PIMREG: variants seen among roughly 807,000 people sequenced by gnomAD.
PIMREG encodes the protein protein PIMREG.
PIMREG carries 19 observed loss-of-function variants against 24.3 expected under a neutral mutation model. That is an observed-to-expected ratio of 0.78 (90% CI 0.54 to 1.15). PIMREG has a LOEUF of 1.15. PIMREG is among the 50% of genes most tolerant of loss of function. The pLI is 0.00. For missense variants in PIMREG, 283 were observed against 306.8 expected (o/e 0.92, Z 0.58); for synonymous variants, 112 against 124.1 (o/e 0.90, Z 0.65).
rs552031712 is a variant in PIMREG, at chr17:6,445,192, G to A, written c.82G>A (p.Glu28Lys). 1.7e-5 allele frequency: 28 copies of A among 1,613,798 alleles called. No individual in the cohort carries two copies. The East Asian group carries it at 2.9e-4, about 17-fold the overall frequency. ...QHQEQLEDSK[E>K]LQPVVSHQET... is the part of the protein sequence containing the mutation. Reference sequence around the variant, plus strand: ...CCAGGAGCAGCTGGAGGACAGCAAGGAGCTGCAGCCTGTGGTCAGCCATCA... The same window carrying A: ...CCAGGAGCAGCTGGAGGACAGCAAGAAGCTGCAGCCTGTGGTCAGCCATCA... Residue 28 changes from glutamate (E) to lysine (K), a missense_variant, in exon 2 of 6, where the codon GAG becomes AAG. Glu to Lys is a moderately conservative substitution (Grantham distance 56). Coordinates refer to ENST00000572447, the MANE Select transcript of PIMREG (RefSeq NM_019013.3).
At chr17:6,449,936 AT>A (rs1046568281) in intron 4 of PIMREG, 91 bp from the exon 5 acceptor site, 5 of 1,488,610 alleles carry the variant, frequency 3.4e-6, no homozygotes, top group Non-Finnish European at 4.7e-6. Context: ...TTCCTACCAC[AT>A]TTCCGGGTCT....
Position 6,450,047 on chromosome 17 carries a change from A to T in PIMREG, c.706A>T (p.Ile236Phe). The T allele has an allele frequency of 6.2e-7, 1 of 1,614,162 alleles. No individual in the cohort carries two copies. Among genetic ancestry groups the T allele is most frequent in the Non-Finnish European group, 8.5e-7 (1 of 1,180,024 alleles). ...AEESGDIVSL[I>F]HD ...CTCTAGTGGTGACATCGTCTCTCTCATTCATGACTGAGGAAGTGCCTGCAG... is the reference window on the plus strand; with the variant it reads ...CTCTAGTGGTGACATCGTCTCTCTCTTTCATGACTGAGGAAGTGCCTGCAG... The change falls in exon 5 of 6, where the codon ATT becomes TTT. Residue 236 changes from isoleucine (I) to phenylalanine (F), a missense_variant. Ile to Phe is a conservative substitution (Grantham distance 21, BLOSUM62 0). Transcript: ENST00000572447.
rs1490822897 is a variant in PIMREG, at chr17:6,450,517, A to T, written c.*170A>T. The T allele has an allele frequency of 4.4e-6, 4 of 906,164 alleles. No homozygotes were observed. Among genetic ancestry groups the T allele is most frequent in the Non-Finnish European group, 6.6e-6 (4 of 609,092 alleles). The allele number at this position is 906,164 out of a possible 1,614,324, so 56.1% of individuals were successfully genotyped here. ...GCCCAGAGCCCCCTGCTCCAGCCACATCTGGACCCATCAGTGACTGCCTGC... is the reference window on the plus strand; with the variant it reads ...GCCCAGAGCCCCCTGCTCCAGCCACTTCTGGACCCATCAGTGACTGCCTGC... On this transcript the variant is annotated 3_prime_UTR_variant, in exon 6 of 6. Transcript: ENST00000572447.
intron 4 of PIMREG, 136 bp from the exon 5 acceptor site, chr17:6,449,892 G>A: frequency 7.1e-7 from 1 of 1,404,264 alleles, no homozygotes; most frequent in Non-Finnish European, 9.9e-7. Context: ...CTCTAAGGCT[G>A]GGCCCTGCCA....
rs1199057012 is a variant in PIMREG, at chr17:6,445,062, G to A, written c.-35-14G>A. On this transcript the variant is annotated splice_polypyrimidine_tract_variant and intron_variant, in intron 1 of 5. Transcript: ENST00000572447. Reference sequence around the variant, plus strand: ...GGAATGCCTTGCTGATCTGCCTTTCGCCCTCCTCCCCAGGGTCTAGTGGAC... The same window carrying A: ...GGAATGCCTTGCTGATCTGCCTTTCACCCTCCTCCCCAGGGTCTAGTGGAC... 2 of 1,503,522 alleles carry A rather than the reference G, an allele frequency of 1.3e-6. No individual in the cohort carries two copies. Among genetic ancestry groups the A allele is most frequent in the Non-Finnish European group, 1.8e-6 (2 of 1,125,508 alleles). 93.1% of individuals were successfully genotyped at this position (1,503,522 alleles called of 1,614,324 possible).
rs1913622956 is a variant in PIMREG, at chr17:6,447,449, T to C, written c.295-14T>C. ...GGTTTTGTCTGTGCTAACCTTTCCATTTGCCTGTTCCAGAGAATCCAGGAG... is the reference window on the plus strand; with the variant it reads ...GGTTTTGTCTGTGCTAACCTTTCCACTTGCCTGTTCCAGAGAATCCAGGAG... On this transcript the variant is annotated splice_polypyrimidine_tract_variant and intron_variant, in intron 2 of 5. Coordinates refer to ENST00000572447, the MANE Select transcript of PIMREG (RefSeq NM_019013.3). The C allele has an allele frequency of 3.1e-6, 5 of 1,611,178 alleles. No homozygotes were observed. Among genetic ancestry groups the C allele is most frequent in the Admixed American group, 1.7e-5 (1 of 59,866 alleles).
intron 2 of PIMREG, 25 bp from the exon 3 acceptor site, chr17:6,447,438 T>C (rs1228466556): frequency 6.2e-7 from 1 of 1,609,218 alleles, no homozygotes; most frequent in East Asian, 2.2e-5. Flanking sequence ...TTGTCTGTGC[T>C]AACCTTTCCA....
intron 1 of PIMREG, 49 bp from the exon 2 acceptor site, chr17:6,445,027 A>C: frequency 1.6e-5 from 22 of 1,355,704 alleles, no homozygotes; most frequent in African/African-American, 2.9e-5. Flanking sequence ...GGGCCTGGGA[A>C]TGGGTATGGG....
chr17:6,445,534 C>A, intron 2 of PIMREG, 130 bp downstream of exon 2: 1 of 890,518 alleles, frequency 1.1e-6, no homozygotes, highest in Non-Finnish European at 1.7e-6. Flanking sequence ...ACTGCTGTTT[C>A]CCCACCACCC....
intron 5 of PIMREG, 39 bp from the exon 6 acceptor site, chr17:6,450,323 T>C (rs770388672): frequency 6.4e-5 from 97 of 1,521,450 alleles, no homozygotes; most frequent in Non-Finnish European, 8.4e-5. Flanking sequence ...CTACTTCTCC[T>C]ACCTTGAGCA....
At chr17:6,446,155 A>C (rs1913563848) in intron 2 of PIMREG, 1 of 400,612 alleles carries the variant, frequency 2.5e-6, no homozygotes, top group South Asian at 1.3e-4. Context: ...GTCAAATGAG[A>C]GCTGCTGTCA....
chr17:6,445,331 C>T lies in PIMREG; in HGVS notation c.221C>T (p.Thr74Ile). 1 of 1,614,128 alleles carries T rather than the reference C, an allele frequency of 6.2e-7. No individual in the cohort carries two copies. The highest frequency in any genetic ancestry group is 8.5e-7 in the Non-Finnish European group (1 of 1,180,012). ...GGGCCCTCCTGGAAACGCCTGGAAA[C>T]CCCAGAGCCAGGTCAGCAGGGCCTC... The part of the protein sequence containing the change: ...RAGPSWKRLE[T>I]PEPGQQGLQA... The change falls in exon 2 of 6, where the codon ACC becomes ATC. Residue 74 changes from threonine to isoleucine, a missense_variant. Transcript: ENST00000572447.
Position 6,450,670 on chromosome 17 carries a change from A to C in PIMREG, c.*323A>C, listed in dbSNP as rs536267658. 2.2e-6 allele frequency: 1 copy of C among 463,018 alleles called. No homozygotes were observed. The highest frequency in any genetic ancestry group is 3.8e-5 in the Admixed American group (1 of 26,474). 28.7% of individuals were successfully genotyped at this position (463,018 alleles called of 1,614,324 possible). On this transcript the variant is annotated 3_prime_UTR_variant, in exon 6 of 6. Coordinates refer to ENST00000572447, the MANE Select transcript of PIMREG (RefSeq NM_019013.3). ...CTTGAGCCTTCTATTTGCCTCATCTATAACATGAAGTGCTAGCATCAGATA... is the reference window on the plus strand; with the variant it reads ...CTTGAGCCTTCTATTTGCCTCATCTCTAACATGAAGTGCTAGCATCAGATA...
intron 3 of PIMREG, among the ~76,000 whole-genome samples, chr17:6,448,294 A>AAAAAATAAAT (rs1913667543): frequency 6.7e-6 from 1 of 149,802 alleles, no homozygotes; most frequent in African/African-American, 2.5e-5. Flanking sequence ...AAAAAAAAAA[A>AAAAAATAAAT]AAAAAAAAGA....
rs148151882 is a variant in PIMREG at position 6,444,955 on chromosome 17, A to G, written c.-35-121A>G. ...CTCCTTCCTGCACCCACACTTACCA[A>G]CTCGCCCGCCCCCGCCACCCCGCTG... On this transcript the variant is annotated intron_variant, in intron 1 of 5. Transcript: ENST00000572447. The surrounding 1 kb of genome is among the most constrained non-coding windows in gnomAD (Gnocchi z 4.3). 2.8e-4 allele frequency: 192 copies of G among 694,374 alleles called. No homozygotes were observed. In the East Asian group the frequency reaches 5.6e-3, roughly 20 times the overall value. 43.0% of individuals were successfully genotyped at this position (694,374 alleles called of 1,614,324 possible). A position where few individuals can be genotyped will look rare whatever the true frequency, so the allele number is the denominator to read the frequency against.
At position 6,449,338 on chromosome 17, in the gene PIMREG, T is replaced by TG. The variant is rs1255931059; in HGVS notation, c.622dup (p.Ala208GlyfsTer15). On this transcript the variant is annotated frameshift_variant, in exon 4 of 6. Coordinates refer to ENST00000572447, the MANE Select transcript of PIMREG (RefSeq NM_019013.3). LOFTEE classifies it high-confidence loss of function. ...GAGTCTGACAGTGACCTAGAGCCTG[T>TG]GGGGGCGGGAATTCAGCATCTCCAG... The TG allele has an allele frequency of 1.2e-6, 2 of 1,612,884 alleles. No homozygotes were observed. The highest frequency in any genetic ancestry group is 1.7e-6 in the Non-Finnish European group (2 of 1,179,500).
chr17:6,447,613 G>T lies in PIMREG; in HGVS notation c.445G>T (p.Ala149Ser). The change falls in exon 3 of 6, where the codon GCC (alanine) becomes TCC (serine). Residue 149 changes from alanine (A) to serine (S), a missense_variant. Transcript: ENST00000572447. ...CACCCGGCTGTCTGGAGCCGCCCCT[G>T]CCCACTCAGCCGCAGACCCCTGGGA... Reference protein sequence around the residue: ...KSTRLSGAAPAHSAADPWEKE... With the variant: ...KSTRLSGAAPSHSAADPWEKE... 6.2e-7 allele frequency: 1 copy of T among 1,613,988 alleles called. No homozygotes were observed. Among genetic ancestry groups the T allele is most frequent in the Non-Finnish European group, 8.5e-7 (1 of 1,179,948 alleles).
chr17:6,450,711 C>A lies in PIMREG; in HGVS notation c.*364C>A, dbSNP rs1913796798. The A allele has an allele frequency of 2.6e-6, 1 of 385,868 alleles. No individual in the cohort carries two copies. The highest frequency in any genetic ancestry group is 2.0e-5 in the African/African-American group (1 of 48,948). 23.9% of individuals were successfully genotyped at this position (385,868 alleles called of 1,614,324 possible). On this transcript the variant is annotated 3_prime_UTR_variant, in exon 6 of 6. Transcript: ENST00000572447. ...GCATCAGATATTTGAGAGCTCTTAG[C>A]TCTGTACCCGGGTGCCTGGTTTTTG...
chr17:6,449,589 T>C (rs1358145067), intron 4 of PIMREG, 182 bp downstream of exon 4: 1 of 1,065,204 alleles, frequency 9.4e-7, no homozygotes, highest in Non-Finnish European at 1.3e-6. Context: ...ACTGGGGTGA[T>C]GGTAAAGGAT....
Sources: allele counts gnomAD v4.1 joint callset (sites outside exome capture counted in the v4.1 genomes callset), GRCh38; gene constraint gnomAD v4.1.1; non-coding constraint Gnocchi (gnomAD v3.1); transcripts MANE v1.5; gene names NCBI Gene and HGNC (gene_info 2026-07-23, HGNC 2026-07-21).